The following PRDM16 variants were observed in gnomAD, a reference collection of about 807,000 sequenced individuals.
PRDM16 encodes PR/SET domain 16, also known as histone-lysine N-methyltransferase PRDM16.
A neutral mutation model predicts 110.6 loss-of-function variants in PRDM16; 23 were observed. The ratio of observed to expected loss-of-function variants is 0.21; its 90% CI spans 0.15 to 0.29. The LOEUF (loss-of-function observed/expected upper bound fraction) is 0.29, where lower values mean the gene tolerates loss of function less well. Ranked by LOEUF, PRDM16 falls within the 10% of genes least tolerant of loss-of-function variation. PRDM16 has a pLI of 1.00. For missense variants in PRDM16, 1,615 were observed against 1,794.3 expected, an observed-to-expected ratio of 0.90 and a Z score of 1.81; for synonymous variants, 799 against 781.8, an observed-to-expected ratio of 1.02 and a Z score of -0.37.
rs149081225 is a variant in PRDM16 at position 3,406,867 on chromosome 1, C to G, written c.1186+1219C>G. The stretch of plus-strand genomic sequence containing the variant: ...GTCAGAGGCCCCTGAAGGGTCCTGT[C>G]TGCTGGGCCTTGTGCCGAGTCATCG... On this transcript the variant is annotated intron_variant, in intron 8 of 16. Transcript: ENST00000270722. Among the ~76,000 whole-genome samples, 47 of 152,360 alleles carry G rather than the reference C, an allele frequency of 3.1e-4. No individual in the cohort carries two copies. In the East Asian group the frequency reaches 8.5e-3, roughly 28 times the overall value.
intron 1 of PRDM16, among the ~76,000 whole-genome samples, chr1:3,091,554 C>T (rs750543753): frequency 6.6e-6 from 1 of 152,180 alleles, no homozygotes; most frequent in Non-Finnish European, 1.5e-5. Context: ...CTCCGTGCAC[C>T]CCTCATTCCC....
Position 3,341,343 on chromosome 1 carries a change from G to A in PRDM16, c.439-43809G>A, listed in dbSNP as rs1642267995. Among the ~76,000 whole-genome samples, 3 of 152,330 alleles carry A rather than the reference G, an allele frequency of 2.0e-5. No individual in the cohort carries two copies. The South Asian group carries it at 6.2e-4, about 32-fold the overall frequency. ...CCTCCTTCAGAGGCTGCAGGCCCTG[G>A]GCCTTGTGGTTGCAGCTGCTGCCTT... On this transcript the variant is annotated intron_variant, in intron 3 of 16. Transcript: ENST00000270722.
chr1:3,406,352 C>G (rs1035393783), intron 8 of PRDM16, among the ~76,000 whole-genome samples: 2 of 152,034 alleles, frequency 1.3e-5, no homozygotes, highest in African/African-American at 4.8e-5. Flanking sequence ...AGAGTGAGCC[C>G]TGGGCACCTG....
chr1:3,294,471 C>T (rs994445304), intron 3 of PRDM16, among the ~76,000 whole-genome samples: 2 of 152,196 alleles, frequency 1.3e-5, no homozygotes, highest in Non-Finnish European at 2.9e-5. Flanking sequence ...CCTCTGACTT[C>T]CCCCCAGATC....
intron 3 of PRDM16, among the ~76,000 whole-genome samples, chr1:3,298,147 G>T (rs149476280): frequency 2.6e-3 from 391 of 152,378 alleles, no homozygotes; most frequent in Non-Finnish European, 3.1e-3. Context: ...TTGGGAATAC[G>T]TGTAAGTGAC....
chr1:3,200,490 C>A (rs1380130163), intron 2 of PRDM16, among the ~76,000 whole-genome samples: 1 of 152,160 alleles, frequency 6.6e-6, no homozygotes, highest in Non-Finnish European at 1.5e-5. Context: ...CTACAGGCGC[C>A]CGCCACCACG....
chr1:3,276,894 T>G (rs962398738), intron 3 of PRDM16, among the ~76,000 whole-genome samples: 1 of 152,122 alleles, frequency 6.6e-6, no homozygotes, highest in Admixed American at 6.5e-5. Context: ...CTGGGCTTGG[T>G]CAAGTTCAGC....
chr1:3,277,958 C>G (rs976297276), intron 3 of PRDM16, among the ~76,000 whole-genome samples: 1 of 152,226 alleles, frequency 6.6e-6, no homozygotes, highest in East Asian at 1.9e-4. Flanking sequence ...TCCGTGCATC[C>G]GGGAGCTCTA....
intron 5 of PRDM16, among the ~76,000 whole-genome samples, chr1:3,397,581 A>G (rs1455078031): frequency 6.6e-6 from 1 of 152,208 alleles, no homozygotes; most frequent in African/African-American, 2.4e-5. Flanking sequence ...CCAGGGTTCG[A>G]GCCTAACTGC....
In PRDM16 at chr1:3,425,548, G is replaced by A. The variant is rs754060694; in HGVS notation, c.2940-33G>A. ...GCCCGGCCTGCCATGCAGAGCCGGG[G>A]CCTGCACTGAGGAGCGCGTGTGCCC... On this transcript the variant is annotated intron_variant, in intron 12 of 16. Coordinates refer to ENST00000270722, the MANE Select transcript of PRDM16 (RefSeq NM_022114.4). This position sits in a 1 kb window ranked among gnomAD's most constrained non-coding sequence, Gnocchi z 6.9. The A allele has an allele frequency of 1.2e-5, 19 of 1,608,810 alleles. No individual in the cohort carries two copies. In the South Asian group the frequency reaches 1.3e-4, roughly 11 times the overall value.
intron 4 of PRDM16, chr1:3,386,995 C>CT (rs1396562941): frequency 6.0e-5 from 7 of 116,674 alleles, no homozygotes; most frequent in Non-Finnish European, 1.2e-4. Flanking sequence ...AGAAGCCTGT[C>CT]TTTAAAAAAA....
Position 3,081,521 on chromosome 1 carries a change from A to C in PRDM16, c.37+12225A>C, listed in dbSNP as rs1239278358. Among the ~76,000 whole-genome samples the C allele has an allele frequency of 2.0e-5, 3 of 152,172 alleles. No homozygotes were observed. The highest frequency in any genetic ancestry group is 6.5e-5 in the Admixed American group (1 of 15,286). ...AGAACGCCGACTTGCATTTTCTGACAGTCCCCAGCTCTCTCTGCAGAGTAT... is the reference window on the plus strand; with the variant it reads ...AGAACGCCGACTTGCATTTTCTGACCGTCCCCAGCTCTCTCTGCAGAGTAT... On this transcript the variant is annotated intron_variant, in intron 1 of 16. Transcript: ENST00000270722. This position sits in a 1 kb window ranked among gnomAD's most constrained non-coding sequence, Gnocchi z 4.6.
rs1195275808 is a variant in PRDM16 at position 3,402,848 on chromosome 1, T to C, written c.734T>C (p.Leu245Pro). The C allele has an allele frequency of 1.9e-6, 3 of 1,612,948 alleles. No individual in the cohort carries two copies. Among genetic ancestry groups the C allele is most frequent in the Admixed American group, 3.3e-5 (2 of 60,000 alleles). ...CDELFQSKLD[L>P]RRHKKYTCGS... ...GAACTCTTCCAGTCCAAGCTGGACC[T>C]GCGGCGCCATAAGAAGTACACGTGT... Residue 245 changes from leucine to proline, a missense_variant, in exon 6 of 17, where the codon CTG (leucine) becomes CCG (proline). Leu to Pro is a moderately conservative substitution (Grantham distance 98). Around this residue, in one of 5 missense-constraint regions of PRDM16, gnomAD observed 416 missense variants for 467.1 expected, o/e 0.89. Transcript: ENST00000270722.
chr1:3,364,208 G>A (rs1035251297), intron 3 of PRDM16, among the ~76,000 whole-genome samples: 3 of 152,296 alleles, frequency 2.0e-5, no homozygotes, highest in African/African-American at 4.8e-5. Flanking sequence ...TGGCCACGAC[G>A]TGGCAGTGAA....
intron 1 of PRDM16, among the ~76,000 whole-genome samples, chr1:3,184,436 G>C (rs1644245020): frequency 6.6e-6 from 1 of 152,232 alleles, no homozygotes. Flanking sequence ...CCGGGGTCCA[G>C]TCACTTTCAC....
In PRDM16 at chr1:3,111,952, G is replaced by A. The variant is rs539650799; in HGVS notation, c.37+42656G>A. Among the ~76,000 whole-genome samples the A allele has an allele frequency of 3.9e-4, 60 of 152,348 alleles. 1 individual carries two copies. Among genetic ancestry groups the A allele is most frequent in the African/African-American group, 1.3e-3 (54 of 41,590 alleles). Reference sequence around the variant, plus strand: ...TAACTTCCATTGAGAGGGAGGGCAGGAAGAAAGGCTGATGGGCCGGCGCGG... The same window carrying A: ...TAACTTCCATTGAGAGGGAGGGCAGAAAGAAAGGCTGATGGGCCGGCGCGG... On this transcript the variant is annotated intron_variant, in intron 1 of 16. Coordinates refer to ENST00000270722, the MANE Select transcript of PRDM16 (RefSeq NM_022114.4).
At chr1:3,295,991 G>A (rs1641080923) in intron 3 of PRDM16, among the ~76,000 whole-genome samples, 1 of 152,142 alleles carries the variant, frequency 6.6e-6, no homozygotes, top group African/African-American at 2.4e-5. Flanking sequence ...CAGAAGGCCT[G>A]GGTGGGGCTG....
intron 1 of PRDM16, among the ~76,000 whole-genome samples, chr1:3,150,652 C>T (rs1448773738): frequency 1.3e-5 from 2 of 152,154 alleles, no homozygotes; most frequent in Admixed American, 6.5e-5. Flanking sequence ...ACTGCGGACT[C>T]CCCTTTCCCT....
chr1:3,069,312 T>G lies in PRDM16; in HGVS notation c.37+16T>G. 7.4e-7 allele frequency: 1 copy of G among 1,354,898 alleles called. No individual in the cohort carries two copies. Among genetic ancestry groups the G allele is most frequent in the East Asian group, 3.5e-5 (1 of 28,912 alleles). 83.9% of individuals were successfully genotyped at this position (1,354,898 alleles called of 1,614,324 possible). A position where few individuals can be genotyped will look rare whatever the true frequency, so the allele number is the denominator to read the frequency against. The stretch of plus-strand genomic sequence containing the variant: ...CTAGCCAAAAGTAAGTCTCCCGCGC[T>G]CGGCCGCGCCGCGCCGCCGGGGCCC... On this transcript the variant is annotated intron_variant, in intron 1 of 16. Coordinates refer to ENST00000270722, the MANE Select transcript of PRDM16 (RefSeq NM_022114.4). The surrounding 1 kb of genome is among the most constrained non-coding windows in gnomAD (Gnocchi z 6.1).
Sources: gnomAD v4.1 joint callset for allele counts (sites outside exome capture counted in the v4.1 genomes callset) on GRCh38, gnomAD v4.1.1 for gene constraint, gnomAD v4.1.1 regional missense constraint, Gnocchi (gnomAD v3.1) non-coding constraint, MANE v1.5 for transcripts, NCBI Gene and HGNC (gene_info 2026-07-23, HGNC 2026-07-21) for gene names.